The following CHRAC1 variants were observed in gnomAD, a reference collection of about 807,000 sequenced individuals.
The protein encoded by CHRAC1 is chromatin accessibility complex protein 1.
CHRAC1 carries 6 observed loss-of-function variants against 9.1 expected under a neutral mutation model. That is an observed-to-expected ratio of 0.66 (90% CI 0.36 to 1.29). CHRAC1 has a LOEUF of 1.29. Ranked by LOEUF, CHRAC1 falls within the 50% of genes most tolerant of loss-of-function variation. The pLI, the probability that CHRAC1 is intolerant of heterozygous loss-of-function variation, is 0.03. For synonymous variants in CHRAC1, 73 were observed against 64.5 expected, an observed-to-expected ratio of 1.13 and a Z score of -0.63; for missense variants, 168 against 163.5, an observed-to-expected ratio of 1.03 and a Z score of -0.15.
rs1311983880 is a variant in CHRAC1 at position 140,515,865 on chromosome 8, T to C, written c.*618T>C. On this transcript the variant is annotated 3_prime_UTR_variant, in exon 3 of 3. Transcript: ENST00000220913. ...GGCCTTGCTTACTGCCTGCAAATTT[T>C]GAGAAATTTAAAAATAAGCATTCTA... is the stretch of plus-strand genomic sequence containing the variant. 6.6e-6 allele frequency: 1 copy of C among 152,232 alleles called. No homozygotes were observed. The allele number at this position is 152,232 out of a possible 1,614,324, so 9.4% of individuals were successfully genotyped here.
At position 140,515,480 on chromosome 8, in the gene CHRAC1, A is replaced by G. The variant is rs1279467241; in HGVS notation, c.*233A>G. 8.9e-6 allele frequency: 3 copies of G among 336,314 alleles called. No individual in the cohort carries two copies. Among genetic ancestry groups the G allele is most frequent in the Non-Finnish European group, 1.1e-5 (2 of 185,888 alleles). 20.8% of individuals were successfully genotyped at this position (336,314 alleles called of 1,614,324 possible). A position where few individuals can be genotyped will look rare whatever the true frequency, so the allele number is the denominator to read the frequency against. On this transcript the variant is annotated 3_prime_UTR_variant, in exon 3 of 3. Coordinates refer to ENST00000220913, the MANE Select transcript of CHRAC1 (RefSeq NM_017444.6). Reference sequence around the variant, plus strand: ...ACAGCAGCCCCTCCTCGACAGGCCCACCCTGCAGCTCAGGCACCAAGAAAA... The same window carrying G: ...ACAGCAGCCCCTCCTCGACAGGCCCGCCCTGCAGCTCAGGCACCAAGAAAA...
Position 140,511,514 on chromosome 8 carries a change from C to T in CHRAC1, c.15C>T (p.Val5=). ...CGGGCGGGAAGATGGCGGACGTGGT[C>T]GTGGGTAAAGACAAGGGCGGGGAGC... MADV[V]VGKDKGGEQR... The change falls in exon 1 of 3, where the codon GTC becomes GTT. Residue 5 remains valine, a synonymous_variant. Coordinates refer to ENST00000220913, the MANE Select transcript of CHRAC1 (RefSeq NM_017444.6). 3.0e-6 allele frequency: 4 copies of T among 1,354,960 alleles called. No individual in the cohort carries two copies. The highest frequency in any genetic ancestry group is 3.8e-6 in the Non-Finnish European group (4 of 1,045,080). 83.9% of individuals were successfully genotyped at this position (1,354,960 alleles called of 1,614,324 possible). A position where few individuals can be genotyped will look rare whatever the true frequency, so the allele number is the denominator to read the frequency against.
chr8:140,514,096 G>GCCAGTT (rs1388455367), intron 1 of CHRAC1, among the ~76,000 whole-genome samples: 4 of 151,350 alleles, frequency 2.6e-5, no homozygotes, highest in Admixed American at 2.6e-4. Flanking sequence ...AATAGAGATG[G>GCCAGTT]GGTTTCACTA....
rs1463853771 is a variant in CHRAC1 at position 140,511,420 on chromosome 8, T to A, written c.-80T>A. The A allele has an allele frequency of 8.2e-7, 1 of 1,216,114 alleles. No homozygotes were observed. Among genetic ancestry groups the A allele is most frequent in the Non-Finnish European group, 1.1e-6 (1 of 947,326 alleles). The allele number at this position is 1,216,114 out of a possible 1,614,324, so 75.3% of individuals were successfully genotyped here. A position where few individuals can be genotyped will look rare whatever the true frequency, so the allele number is the denominator to read the frequency against. The stretch of plus-strand genomic sequence containing the variant: ...ACGGGGCAGCGGGCGCGGCTCCCCG[T>A]ACCCACCAGCTGGCCGGGCAGGGCA... On this transcript the variant is annotated 5_prime_UTR_variant, in exon 1 of 3. Transcript: ENST00000220913.
intron 1 of CHRAC1, among the ~76,000 whole-genome samples, chr8:140,512,371 G>A (rs933855966): frequency 2.6e-5 from 4 of 152,220 alleles, no homozygotes; most frequent in African/African-American, 9.6e-5. Flanking sequence ...GCCACAGCTG[G>A]GGCCCCTCGT....
chr8:140,513,588 T>C (rs2072303779), intron 1 of CHRAC1, among the ~76,000 whole-genome samples: 1 of 151,590 alleles, frequency 6.6e-6, no homozygotes, highest in East Asian at 1.9e-4. Flanking sequence ...GCCGCCACCA[T>C]GCCCGGCTAA....
chr8:140,513,950 T>G (rs920764422), intron 1 of CHRAC1, among the ~76,000 whole-genome samples: 1 of 143,492 alleles, frequency 7.0e-6, no homozygotes, highest in African/African-American at 2.7e-5. Context: ...AGACGGAGTC[T>G]TGCTTGATCA....
Position 140,511,491 on chromosome 8 carries a change from G to T in CHRAC1, c.-9G>T. The T allele has an allele frequency of 7.6e-7, 1 of 1,319,882 alleles. No homozygotes were observed. The allele number at this position is 1,319,882 out of a possible 1,614,324, so 81.8% of individuals were successfully genotyped here. On this transcript the variant is annotated 5_prime_UTR_variant, in exon 1 of 3. Transcript: ENST00000220913. ...GCCGGCTGCGGGCACCCGCGCGACG[G>T]GCGGGAAGATGGCGGACGTGGTCGT...
At chr8:140,514,993 T>C in intron 2 of CHRAC1, 133 bp from the exon 3 acceptor site, 1 of 862,806 alleles carries the variant, frequency 1.2e-6, no homozygotes, top group Non-Finnish European at 1.8e-6. Flanking sequence ...TACCCAGAAA[T>C]GCAGCCTGAA....
At chr8:140,513,552 C>T (rs567956340) in intron 1 of CHRAC1, among the ~76,000 whole-genome samples, 1 of 152,266 alleles carries the variant, frequency 6.6e-6, no homozygotes, top group South Asian at 2.1e-4. Context: ...TCTCCTGCCT[C>T]AGCCTCCCGA....
rs559217771 is a variant in CHRAC1 at position 140,511,525 on chromosome 8, A to T, written c.26A>T (p.Asp9Val). The change falls in exon 1 of 3, where the codon GAC becomes GTC. Residue 9 changes from aspartate to valine, a missense_variant. Physicochemically the swap from Asp to Val is radical, Grantham distance 152. Coordinates refer to ENST00000220913, the MANE Select transcript of CHRAC1 (RefSeq NM_017444.6). MADVVVGK[D>V]KGGEQRLISL... is the part of the protein sequence containing the mutation. ...ATGGCGGACGTGGTCGTGGGTAAAG[A>T]CAAGGGCGGGGAGCAGCGGCTCATC... is the stretch of plus-strand genomic sequence containing the variant. The T allele has an allele frequency of 1.1e-5, 15 of 1,385,122 alleles. No homozygotes were observed. The highest frequency in any genetic ancestry group is 4.5e-5 in the African/African-American group (3 of 66,526). The allele number at this position is 1,385,122 out of a possible 1,614,324, so 85.8% of individuals were successfully genotyped here. A position where few individuals can be genotyped will look rare whatever the true frequency, so the allele number is the denominator to read the frequency against.
Position 140,515,296 on chromosome 8 carries a change from C to T in CHRAC1, c.*49C>T, listed in dbSNP as rs745831674. On this transcript the variant is annotated 3_prime_UTR_variant, in exon 3 of 3. Transcript: ENST00000220913. ...CCTGGCGAGGACAGCCCTGGACCCACTCCACTGTCTCTAAGTAAACACAGC... is the reference window on the plus strand; with the variant it reads ...CCTGGCGAGGACAGCCCTGGACCCATTCCACTGTCTCTAAGTAAACACAGC... The T allele has an allele frequency of 6.3e-6, 10 of 1,590,122 alleles. No individual in the cohort carries two copies. Among genetic ancestry groups the T allele is most frequent in the Admixed American group, 5.4e-5 (3 of 55,950 alleles).
chr8:140,515,323 C>T lies in CHRAC1; in HGVS notation c.*76C>T, dbSNP rs1353302917. On this transcript the variant is annotated 3_prime_UTR_variant, in exon 3 of 3. Coordinates refer to ENST00000220913, the MANE Select transcript of CHRAC1 (RefSeq NM_017444.6). Reference sequence around the variant, plus strand: ...CCACTGTCTCTAAGTAAACACAGCACTGCCCGCTTTTAGCGTCTTCACTTC... The same window carrying T: ...CCACTGTCTCTAAGTAAACACAGCATTGCCCGCTTTTAGCGTCTTCACTTC... 6.8e-7 allele frequency: 1 copy of T among 1,470,030 alleles called. No homozygotes were observed. Among genetic ancestry groups the T allele is most frequent in the Non-Finnish European group, 9.3e-7 (1 of 1,076,218 alleles). The allele number at this position is 1,470,030 out of a possible 1,614,324, so 91.1% of individuals were successfully genotyped here.
intron 1 of CHRAC1, among the ~76,000 whole-genome samples, chr8:140,513,735 C>G (rs1173149229): frequency 6.6e-6 from 1 of 152,116 alleles, no homozygotes; most frequent in Non-Finnish European, 1.5e-5. Flanking sequence ...GCCTGAGCCA[C>G]AGCTCCCGGC....
At chr8:140,514,816 C>T (rs1323722561) in intron 2 of CHRAC1, 1 of 364,290 alleles carries the variant, frequency 2.7e-6, no homozygotes, top group Non-Finnish European at 5.0e-6. Context: ...GTCTACATGG[C>T]CGTAGTTAGA....
intron 2 of CHRAC1, 134 bp from the exon 3 acceptor site, chr8:140,514,992 A>T (rs1393165474): frequency 1.2e-6 from 1 of 857,588 alleles, no homozygotes; most frequent in Non-Finnish European, 1.8e-6. Context: ...TTACCCAGAA[A>T]TGCAGCCTGA....
rs1226414776 is a variant in CHRAC1, at chr8:140,515,544, A to C, written c.*297A>C. 2 of 232,774 alleles carry C rather than the reference A, an allele frequency of 8.6e-6. No homozygotes were observed. The highest frequency in any genetic ancestry group is 4.5e-5 in the African/African-American group (2 of 44,566). 14.4% of individuals were successfully genotyped at this position (232,774 alleles called of 1,614,324 possible). ...CAGCCATTGCAGCTCCAAACTGCAG[A>C]GGCAAGGCCAATTTTAACTTTTCAA... is the stretch of plus-strand genomic sequence containing the variant. On this transcript the variant is annotated 3_prime_UTR_variant, in exon 3 of 3. Coordinates refer to ENST00000220913, the MANE Select transcript of CHRAC1 (RefSeq NM_017444.6).
chr8:140,514,968 GTTTC>G, intron 2 of CHRAC1, 154 bp from the exon 3 acceptor site: 1 of 711,968 alleles, frequency 1.4e-6, no homozygotes, highest in Non-Finnish European at 2.4e-6. Flanking sequence ...GACAATGCTA[GTTTC>G]TTTGATATTT....
At chr8:140,511,719 C>A in intron 1 of CHRAC1, 73 bp downstream of exon 1, 1 of 1,244,476 alleles carries the variant, frequency 8.0e-7, no homozygotes, top group Non-Finnish European at 1.0e-6. Flanking sequence ...TGGGCACTGC[C>A]CAGTCCCCTT....
Sources: allele counts gnomAD v4.1 joint callset (sites outside exome capture counted in the v4.1 genomes callset), GRCh38; gene constraint gnomAD v4.1.1; transcripts MANE v1.5; gene names NCBI Gene and HGNC (gene_info 2026-07-23, HGNC 2026-07-21).